MAGI3: variants seen among roughly 807,000 people sequenced by gnomAD.
MAGI3 encodes the protein membrane associated guanylate kinase, WW and PDZ domain containing 3, also known as membrane-associated guanylate kinase, WW and PDZ domain-containing protein 3.
A neutral mutation model predicts 121.8 loss-of-function variants in MAGI3; 43 were observed. The ratio of observed to expected loss-of-function variants is 0.35; its 90% CI spans 0.28 to 0.46. MAGI3 has a LOEUF of 0.46. Ranked by LOEUF, MAGI3 falls within the 20% of genes least tolerant of loss-of-function variation. The probability of loss-of-function intolerance (pLI) is 1.00; values close to 1 mark genes in which losing one functional copy is unlikely to be tolerated. For missense variants in MAGI3, 1,547 were observed against 1,797.3 expected (o/e 0.86, Z 2.52); for synonymous variants, 553 against 639.3 (o/e 0.86, Z 2.04).
intron 2 of MAGI3, among the ~76,000 whole-genome samples, chr1:113,558,027 G>A (rs368536797): frequency 1.3e-5 from 2 of 151,762 alleles, no homozygotes; most frequent in East Asian, 1.9e-4. Flanking sequence ...AAACAGCAAC[G>A]AAGAAAAACC....
rs1334393335 is a variant in MAGI3, at chr1:113,549,594, A to G, written c.396A>G (p.Gln132=). 4 of 1,608,254 alleles carry G rather than the reference A, an allele frequency of 2.5e-6. No homozygotes were observed. The Admixed American group carries it at 6.7e-5, about 27-fold the overall frequency. ...QKGSIDHKLQ[Q]VIRDNLYLRT... ...GATCAATTGACCACAAACTGCAGCA[A>G]GTGATCAGAGATAATCTCTACTTGA... The change falls in exon 2 of 21, where the codon CAA becomes CAG. Residue 132 remains glutamine, a synonymous_variant. Coordinates refer to ENST00000307546, the MANE Select transcript of MAGI3 (RefSeq NM_001142782.2).
intron 1 of MAGI3, among the ~76,000 whole-genome samples, chr1:113,465,615 T>G (rs1655244425): frequency 6.6e-6 from 1 of 152,142 alleles, no homozygotes; most frequent in South Asian, 2.1e-4. Context: ...GTAACAATAT[T>G]AATTCTTCTA....
intron 12 of MAGI3, among the ~76,000 whole-genome samples, chr1:113,648,872 C>T (rs1652999166): frequency 1.3e-5 from 2 of 152,150 alleles, no homozygotes; most frequent in East Asian, 1.9e-4. Context: ...TGTACCTTAC[C>T]CAAGTGTTAA....
At chr1:113,426,451 C>T (rs1311389538) in intron 1 of MAGI3, among the ~76,000 whole-genome samples, 1 of 152,132 alleles carries the variant, frequency 6.6e-6, no homozygotes, top group Admixed American at 6.5e-5. Flanking sequence ...TGCTGATTTT[C>T]CTTCTAGTAG....
chr1:113,392,092 C>T (rs1025658498), intron 1 of MAGI3, among the ~76,000 whole-genome samples: 1 of 152,178 alleles, frequency 6.6e-6, no homozygotes, highest in Admixed American at 6.5e-5. Flanking sequence ...ATCTTTTATG[C>T]TAGTAAAAAT....
chr1:113,444,102 A>G (rs1167316816), intron 1 of MAGI3, among the ~76,000 whole-genome samples: 1 of 152,226 alleles, frequency 6.6e-6, no homozygotes, highest in Non-Finnish European at 1.5e-5. Flanking sequence ...ATTTTTGGTC[A>G]GTTACAGCTC....
intron 1 of MAGI3, among the ~76,000 whole-genome samples, chr1:113,491,465 A>C (rs2101582273): frequency 6.6e-6 from 1 of 152,270 alleles, no homozygotes; most frequent in East Asian, 1.9e-4. Context: ...CAACTAAGAG[A>C]ACTAGTGAAA....
At chr1:113,604,917 A>G (rs1649660107) in intron 6 of MAGI3, among the ~76,000 whole-genome samples, 1 of 151,130 alleles carries the variant, frequency 6.6e-6, no homozygotes, top group Non-Finnish European at 1.5e-5. Context: ...AGATTTCACC[A>G]CTATACAGTT....
At chr1:113,487,542 G>A (rs1477324161) in intron 1 of MAGI3, among the ~76,000 whole-genome samples, 3 of 151,964 alleles carry the variant, frequency 2.0e-5, no homozygotes, top group Non-Finnish European at 4.4e-5. Context: ...AGGCATAAAT[G>A]TATTAATAAG....
At chr1:113,544,144 T>A (rs1659421821) in intron 1 of MAGI3, among the ~76,000 whole-genome samples, 1 of 152,322 alleles carries the variant, frequency 6.6e-6, no homozygotes, top group South Asian at 2.1e-4. Context: ...GATTTATTAT[T>A]TTTTAGGGAT....
At chr1:113,463,581 T>C (rs574166101) in intron 1 of MAGI3, among the ~76,000 whole-genome samples, 2 of 152,164 alleles carry the variant, frequency 1.3e-5, no homozygotes, top group South Asian at 4.1e-4. Flanking sequence ...TTCATTGAAG[T>C]GATGAGGCTG....
chr1:113,646,720 C>G, intron 12 of MAGI3, 78 bp downstream of exon 12: 2 of 1,115,542 alleles, frequency 1.8e-6, no homozygotes, highest in Non-Finnish European at 2.4e-6. Context: ...ACCTTCCCAT[C>G]TTTCAGAAGC....
chr1:113,546,503 A>T (rs1019124207), intron 1 of MAGI3, among the ~76,000 whole-genome samples: 1 of 151,794 alleles, frequency 6.6e-6, no homozygotes, highest in Non-Finnish European at 1.5e-5. Context: ...CACCCTGCTA[A>T]TTTTTGTATT....
In MAGI3 at chr1:113,556,635, C is replaced by T. The variant is rs552383628; in HGVS notation, c.433+7004C>T. ...ATTCAATGATGTGATTAGAGCTCAA[C>T]TTCCATTTCTTCCATCTCCTGGGCT... On this transcript the variant is annotated intron_variant, in intron 2 of 20. Coordinates refer to ENST00000307546, the MANE Select transcript of MAGI3 (RefSeq NM_001142782.2). 7.7e-5 allele frequency among the ~76,000 whole-genome samples: 11 copies of T among 143,288 alleles called. No individual in the cohort carries two copies. The South Asian group carries it at 2.5e-3, about 33-fold the overall frequency. 94.0% of individuals were successfully genotyped at this position (143,288 alleles called of 152,430 possible).
intron 1 of MAGI3, among the ~76,000 whole-genome samples, chr1:113,437,880 C>CTTCTTCTTCCTCTTCCTCTT (rs1557757197): frequency 5.9e-5 from 1 of 17,020 alleles, no homozygotes; most frequent in Admixed American, 7.4e-4. Flanking sequence ...TTCTTCTTCT[C>CTTCTTCTTCCTCTTCCTCTT]CTTCTCCTTC....
At chr1:113,394,371 G>A (rs1400894959) in intron 1 of MAGI3, among the ~76,000 whole-genome samples, 1 of 152,124 alleles carries the variant, frequency 6.6e-6, no homozygotes, top group Non-Finnish European at 1.5e-5. Flanking sequence ...GGCTCGATTA[G>A]TTACTTGTTT....
chr1:113,474,943 G>C (rs1655737087), intron 1 of MAGI3, among the ~76,000 whole-genome samples: 1 of 152,188 alleles, frequency 6.6e-6, no homozygotes, highest in Admixed American at 6.5e-5. Flanking sequence ...TCTCCTTGAA[G>C]AGGTCCTTCA....
At chr1:113,663,974 T>G (rs972587584) in intron 16 of MAGI3, among the ~76,000 whole-genome samples, 1 of 152,240 alleles carries the variant, frequency 6.6e-6, no homozygotes, top group African/African-American at 2.4e-5. Context: ...ATCTTTTTCA[T>G]GTGCTTATTG....
chr1:113,682,621 G>T, intron 20 of MAGI3: 1 of 982,420 alleles, frequency 1.0e-6, no homozygotes, highest in Non-Finnish European at 1.2e-6. Flanking sequence ...TACTAATAGA[G>T]AATTTACAGA....
Sources: gnomAD v4.1 joint callset for allele counts (sites outside exome capture counted in the v4.1 genomes callset) on GRCh38, gnomAD v4.1.1 for gene constraint, MANE v1.5 for transcripts, NCBI Gene and HGNC (gene_info 2026-07-23, HGNC 2026-07-21) for gene names.